CEP112: variants seen among roughly 807,000 people sequenced by gnomAD.
The protein encoded by CEP112 is centrosomal protein of 112 kDa.
CEP112 carries 127 observed loss-of-function variants against 153.0 expected under a neutral mutation model. The ratio of observed to expected loss-of-function variants is 0.83; its 90% CI spans 0.72 to 0.96. The LOEUF is 0.96. CEP112 is among the 40% of genes least tolerant of loss of function. The pLI, the probability that CEP112 is intolerant of heterozygous loss-of-function variation, is 0.00. For missense variants in CEP112, 1,089 were observed against 1,101.2 expected (o/e 0.99, Z 0.16); for synonymous variants, 358 against 374.4 (o/e 0.96, Z 0.51).
At chr17:65,803,190 C>T (rs1019557163) in intron 21 of CEP112, among the ~76,000 whole-genome samples, 1 of 152,212 alleles carries the variant, frequency 6.6e-6, no homozygotes, top group African/African-American at 2.4e-5. Flanking sequence ...GTGAAGAAGA[C>T]TTCAATATGA....
chr17:66,001,430 G>A (rs1414860289), intron 17 of CEP112, among the ~76,000 whole-genome samples: 1 of 152,080 alleles, frequency 6.6e-6, no homozygotes, highest in Non-Finnish European at 1.5e-5. Flanking sequence ...AACTACTACT[G>A]TACATATACT....
chr17:66,030,939 T>C (rs1297454676), intron 12 of CEP112, among the ~76,000 whole-genome samples: 1 of 152,180 alleles, frequency 6.6e-6, no homozygotes, highest in Non-Finnish European at 1.5e-5. Context: ...CCTGACATCC[T>C]TTCTTCATCT....
At chr17:65,903,732 G>A (rs568832756) in intron 19 of CEP112, among the ~76,000 whole-genome samples, 53 of 152,186 alleles carry the variant, frequency 3.5e-4, no homozygotes, top group Non-Finnish European at 6.9e-4. Flanking sequence ...CTGGCAAACC[G>A]AATCCAGCAG....
chr17:65,850,375 G>A (rs1448310834), intron 21 of CEP112, among the ~76,000 whole-genome samples: 2 of 151,952 alleles, frequency 1.3e-5, no homozygotes, highest in Non-Finnish European at 2.9e-5. Flanking sequence ...TAGCCTTGGT[G>A]CTGCCCGTGA....
At chr17:65,917,126 T>A (rs536473773) in intron 19 of CEP112, among the ~76,000 whole-genome samples, 9 of 152,282 alleles carry the variant, frequency 5.9e-5, no homozygotes, top group African/African-American at 2.2e-4. Flanking sequence ...ATCTGTGACT[T>A]GTGGTGTAGC....
intron 21 of CEP112, among the ~76,000 whole-genome samples, chr17:65,789,930 T>G (rs964413392): frequency 6.6e-6 from 1 of 152,176 alleles, no homozygotes; most frequent in Non-Finnish European, 1.5e-5. Flanking sequence ...CCCACCCTTC[T>G]ACTCCAAGTC....
intron 12 of CEP112, among the ~76,000 whole-genome samples, chr17:66,031,371 T>C (rs934633715): frequency 6.6e-6 from 1 of 151,732 alleles, no homozygotes; most frequent in Admixed American, 6.6e-5. Context: ...AATTCCATAC[T>C]AATAAACCCT....
chr17:65,837,322 G>A (rs1028135554), intron 21 of CEP112, among the ~76,000 whole-genome samples: 7 of 150,666 alleles, frequency 4.6e-5, no homozygotes, highest in Middle Eastern at 3.5e-3. Context: ...AGTGAGGAGC[G>A]CCTCTTCCTG....
chr17:65,652,871 C>T (rs1047902028), intron 24 of CEP112, among the ~76,000 whole-genome samples: 1 of 152,184 alleles, frequency 6.6e-6, no homozygotes, highest in African/African-American at 2.4e-5. Flanking sequence ...AATCAATAAG[C>T]ATATATTTCT....
Position 65,769,469 on chromosome 17 carries a change from T to G in CEP112, c.2395-18745A>C, listed in dbSNP as rs1386137982. Among the ~76,000 whole-genome samples the G allele has an allele frequency of 3.9e-5, 6 of 152,142 alleles. No homozygotes were observed. In the East Asian group the frequency reaches 1.2e-3, roughly 29 times the overall value. ...AGACCCCAAATAGCCAATGCAATTC[T>G]GAGAAAAATAAAGTTGGAGGCATCA... On this transcript the variant is annotated intron_variant, in intron 21 of 26. Transcript: ENST00000535342.
chr17:65,951,563 G>A (rs748030558), intron 18 of CEP112, among the ~76,000 whole-genome samples: 1 of 152,052 alleles, frequency 6.6e-6, no homozygotes, highest in Non-Finnish European at 1.5e-5. Context: ...AAAATCAATA[G>A]TGGTATCCTA....
At chr17:66,155,746 C>T (rs1287595519) in intron 4 of CEP112, among the ~76,000 whole-genome samples, 2 of 152,178 alleles carry the variant, frequency 1.3e-5, no homozygotes, top group Non-Finnish European at 2.9e-5. Flanking sequence ...CTTGAGTAGC[C>T]GGGTTTCCCC....
In CEP112 at chr17:65,655,173, T is replaced by C. The variant is rs2045996711; in HGVS notation, c.2698-14108A>G. 1.1e-5 allele frequency: 8 copies of C among 759,484 alleles called. No individual in the cohort carries two copies. In the East Asian group the frequency reaches 2.0e-4, roughly 19 times the overall value. The allele number at this position is 759,484 out of a possible 1,614,324, so 47.0% of individuals were successfully genotyped here. On this transcript the variant is annotated intron_variant, in intron 24 of 26. Coordinates refer to ENST00000535342, the MANE Select transcript of CEP112 (RefSeq NM_001199165.4). ...AATTAAAAGTGTATGTAGGCAGAAA[T>C]CTAATATTGACAAGTGGCTGTCTCA...
chr17:66,125,866 G>A (rs1017257357), intron 6 of CEP112, among the ~76,000 whole-genome samples: 2 of 152,126 alleles, frequency 1.3e-5, no homozygotes, highest in African/African-American at 4.8e-5. Flanking sequence ...CCACACAAGA[G>A]TAAGGATAAC....
chr17:65,982,428 AC>A (rs1297218794), intron 17 of CEP112, among the ~76,000 whole-genome samples: 2 of 152,242 alleles, frequency 1.3e-5, no homozygotes, highest in Non-Finnish European at 2.9e-5. Flanking sequence ...ATTTAAGAAC[AC>A]ACAATTCTCT....
chr17:65,776,436 C>A (rs797008959), intron 21 of CEP112, among the ~76,000 whole-genome samples: 59 of 152,124 alleles, frequency 3.9e-4, no homozygotes, highest in African/African-American at 1.2e-3. Flanking sequence ...GATGTTAGCC[C>A]GGATGGTCTC....
In CEP112 at chr17:65,650,623, C is replaced by G. The variant is rs200196075; in HGVS notation, c.2698-9558G>C. The stretch of plus-strand genomic sequence containing the variant: ...TTTAATACCAAATACTGGCCAGGAG[C>G]GGTGGCTCATGCCTGTAATCCCAGC... On this transcript the variant is annotated intron_variant, in intron 24 of 26. Coordinates refer to ENST00000535342, the MANE Select transcript of CEP112 (RefSeq NM_001199165.4). Among the ~76,000 whole-genome samples, 2 of 149,766 alleles carry G rather than the reference C, an allele frequency of 1.3e-5. 1 individual carries two copies. Among genetic ancestry groups the G allele is most frequent in the East Asian group, 4.0e-4 (2 of 4,946 alleles).
At chr17:65,937,554 C>T (rs1464734749) in intron 18 of CEP112, among the ~76,000 whole-genome samples, 8 of 113,122 alleles carry the variant, frequency 7.1e-5, no homozygotes, top group South Asian at 4.3e-4. Flanking sequence ...GCCGCCCCGT[C>T]CGGGAGGGAG....
chr17:66,059,699 G>A (rs764880117), intron 11 of CEP112, among the ~76,000 whole-genome samples: 1 of 152,180 alleles, frequency 6.6e-6, no homozygotes, highest in African/African-American at 2.4e-5. Flanking sequence ...TACTGTTAGT[G>A]GGAACGTAAA....
Sources: gnomAD v4.1 joint callset for allele counts (sites outside exome capture counted in the v4.1 genomes callset) on GRCh38, gnomAD v4.1.1 for gene constraint, MANE v1.5 for transcripts, NCBI Gene and HGNC (gene_info 2026-07-23, HGNC 2026-07-21) for gene names.